The following NLGN1 variants were observed in gnomAD, a reference collection of about 807,000 sequenced individuals.
The protein encoded by NLGN1 is neuroligin-1.
A neutral mutation model predicts 65.5 loss-of-function variants in NLGN1; 12 were observed. The observed-to-expected ratio is 0.18, with a 90% confidence interval of 0.12 to 0.30. The LOEUF is 0.30. Among genes scored for constraint, NLGN1 ranks in the 10% least tolerant of loss-of-function variants. The pLI is 1.00. For synonymous variants in NLGN1, 350 were observed against 359.5 expected, an observed-to-expected ratio of 0.97 and a Z score of 0.30; for missense variants, 750 against 1,007.1, an observed-to-expected ratio of 0.74 and a Z score of 3.46.
At chr3:174,265,635 G>A (rs967049437) in intron 4 of NLGN1, among the ~76,000 whole-genome samples, 1 of 151,836 alleles carries the variant, frequency 6.6e-6, no homozygotes, top group Non-Finnish European at 1.5e-5. Context: ...GAAATCACCC[G>A]TCTTCTGCAT....
chr3:174,068,544 C>T (rs1739153554), intron 4 of NLGN1, among the ~76,000 whole-genome samples: 2 of 151,992 alleles, frequency 1.3e-5, no homozygotes, highest in South Asian at 2.1e-4. Flanking sequence ...TTCTAAACCG[C>T]GCATGTACTT....
At chr3:173,886,150 G>A (rs766735088) in intron 4 of NLGN1, among the ~76,000 whole-genome samples, 6 of 152,154 alleles carry the variant, frequency 3.9e-5, no homozygotes, top group Non-Finnish European at 8.8e-5. Context: ...ATGTAAGATC[G>A]TGGCAACATG....
intron 2 of NLGN1, chr3:173,584,792 G>A (rs1429930117): frequency 6.6e-6 from 1 of 151,056 alleles, no homozygotes; most frequent in Admixed American, 6.6e-5. Flanking sequence ...AAAGGAGGGG[G>A]GGGTGCAAAA....
chr3:173,743,421 A>G (rs927311237), intron 3 of NLGN1, among the ~76,000 whole-genome samples: 4 of 152,016 alleles, frequency 2.6e-5, no homozygotes, highest in African/African-American at 9.7e-5. Context: ...ATTATATTAT[A>G]TTTTCTTCTT....
At chr3:173,965,492 T>G (rs1714631962) in intron 4 of NLGN1, among the ~76,000 whole-genome samples, 1 of 151,176 alleles carries the variant, frequency 6.6e-6, no homozygotes, top group African/African-American at 2.4e-5. Context: ...TTTTTTTTTT[T>G]TTTTTAAGTA....
intron 4 of NLGN1, among the ~76,000 whole-genome samples, chr3:173,894,618 C>CT (rs1460519985): frequency 1.4e-5 from 2 of 141,914 alleles, no homozygotes; most frequent in African/African-American, 2.7e-5. Context: ...AATTTCTTTT[C>CT]TTTTTTTTCT....
chr3:173,624,404 G>T (rs998643778), intron 3 of NLGN1, among the ~76,000 whole-genome samples: 2 of 152,072 alleles, frequency 1.3e-5, no homozygotes, highest in South Asian at 2.1e-4. Flanking sequence ...TTCATTTGTT[G>T]CAACAGTTTA....
At chr3:174,070,991 G>T (rs1021343818) in intron 4 of NLGN1, among the ~76,000 whole-genome samples, 8 of 151,946 alleles carry the variant, frequency 5.3e-5, no homozygotes, top group African/African-American at 1.5e-4. Flanking sequence ...GGAGGTCAAG[G>T]CTGCAATGAG....
At chr3:174,257,286 G>T (rs144305783) in intron 4 of NLGN1, among the ~76,000 whole-genome samples, 7 of 152,212 alleles carry the variant, frequency 4.6e-5, no homozygotes, top group Non-Finnish European at 1.0e-4. Context: ...GAAGAAAAAA[G>T]AATGCTTTTA....
chr3:173,808,834 T>A (rs757492125), intron 4 of NLGN1, among the ~76,000 whole-genome samples: 3 of 152,192 alleles, frequency 2.0e-5, no homozygotes, highest in African/African-American at 4.8e-5. Context: ...AAGGAATTTG[T>A]ATTATATTCC....
intron 4 of NLGN1, among the ~76,000 whole-genome samples, chr3:173,968,946 C>G (rs1047702691): frequency 2.0e-5 from 3 of 151,598 alleles, no homozygotes; most frequent in African/African-American, 7.3e-5. Flanking sequence ...AATGATCCGC[C>G]CACCTCAACC....
At chr3:174,228,318 T>C (rs1408424019) in intron 4 of NLGN1, among the ~76,000 whole-genome samples, 1 of 152,074 alleles carries the variant, frequency 6.6e-6, no homozygotes, top group African/African-American at 2.4e-5. Context: ...TAGAGTAAGA[T>C]AGAACAACTT....
At chr3:173,402,172 G>A (rs1717814036) in intron 1 of NLGN1, among the ~76,000 whole-genome samples, 1 of 152,082 alleles carries the variant, frequency 6.6e-6, no homozygotes, top group Non-Finnish European at 1.5e-5. Flanking sequence ...AATGGATTCT[G>A]GTACAGATGT....
chr3:173,809,095 T>TGC (rs1717322529), intron 4 of NLGN1, among the ~76,000 whole-genome samples: 1 of 75,874 alleles, frequency 1.3e-5, no homozygotes. Flanking sequence ...TGACCATAGA[T>TGC]GCACTGCGTA....
At chr3:174,112,972 AT>A (rs1225702713) in intron 4 of NLGN1, among the ~76,000 whole-genome samples, 2 of 151,846 alleles carry the variant, frequency 1.3e-5, no homozygotes, top group African/African-American at 4.8e-5. Flanking sequence ...TGTATGTGCT[AT>A]TTTTAATAGG....
chr3:173,536,882 CTGT>C (rs1737523448), intron 2 of NLGN1, among the ~76,000 whole-genome samples: 1 of 152,144 alleles, frequency 6.6e-6, no homozygotes, highest in South Asian at 2.1e-4. Context: ...CTCAGGAGAA[CTGT>C]TGTTATAATC....
chr3:174,061,440 T>C (rs1737391746), intron 4 of NLGN1, among the ~76,000 whole-genome samples: 1 of 152,106 alleles, frequency 6.6e-6, no homozygotes, highest in African/African-American at 2.4e-5. Flanking sequence ...GCACTGTAGA[T>C]AGACCAGCCA....
At chr3:173,885,921 C>T (rs531893283) in intron 4 of NLGN1, among the ~76,000 whole-genome samples, 2 of 152,166 alleles carry the variant, frequency 1.3e-5, no homozygotes, top group Admixed American at 1.3e-4. Context: ...AAAAACACAA[C>T]TATGTAACTC....
intron 4 of NLGN1, among the ~76,000 whole-genome samples, chr3:174,126,945 T>C (rs762241782): frequency 1.7e-4 from 26 of 152,180 alleles, no homozygotes; most frequent in Non-Finnish European, 3.1e-4. Context: ...TGCTAACTTC[T>C]TAACTATTGC....
Sources: allele counts gnomAD v4.1 joint callset (sites outside exome capture counted in the v4.1 genomes callset), GRCh38; gene constraint gnomAD v4.1.1; transcripts MANE v1.5; gene names NCBI Gene and HGNC (gene_info 2026-07-23, HGNC 2026-07-21).